The following INPP5B variants were observed in gnomAD, a reference collection of about 807,000 sequenced individuals.
INPP5B encodes the protein inositol polyphosphate-5-phosphatase B, also known as type II inositol 1,4,5-trisphosphate 5-phosphatase.
A neutral mutation model predicts 118.5 loss-of-function variants in INPP5B; 90 were observed. The observed-to-expected ratio is 0.76, with a 90% confidence interval of 0.64 to 0.90. The LOEUF (loss-of-function observed/expected upper bound fraction) is 0.90, where lower values mean the gene tolerates loss of function less well. Among genes scored for constraint, INPP5B ranks in the 40% least tolerant of loss-of-function variants. The pLI, the probability that INPP5B is intolerant of heterozygous loss-of-function variation, is 0.00. For synonymous variants in INPP5B, 385 were observed against 418.9 expected (o/e 0.92, Z 0.99); for missense variants, 984 against 1,125.6 (o/e 0.87, Z 1.80).
Position 37,938,170 on chromosome 1 carries a change from G to A in INPP5B, c.391+2518C>T, listed in dbSNP as rs577381276. ...GCCTGTACCAGCTACTCGGGAGGCT[G>A]AGGCAGGAGAATCACTTGAACCCAG... On this transcript the variant is annotated intron_variant, in intron 6 of 23. Transcript: ENST00000373024. Among the ~76,000 whole-genome samples the A allele has an allele frequency of 1.9e-3, 295 of 152,036 alleles. 2 individuals are homozygous for A. The highest frequency in any genetic ancestry group is 3.0e-3 in the Non-Finnish European group (201 of 67,970).
intron 7 of INPP5B, among the ~76,000 whole-genome samples, chr1:37,892,012 T>C (rs1643866734): frequency 6.6e-6 from 1 of 152,178 alleles, no homozygotes; most frequent in African/African-American, 2.4e-5. Flanking sequence ...CTAACTCCCT[T>C]TTCTTGGATA....
rs373296700 is a variant in INPP5B, at chr1:37,931,973, T to C, written c.472A>G (p.Thr158Ala). The C allele has an allele frequency of 1.9e-5, 31 of 1,613,692 alleles. No homozygotes were observed. The highest frequency in any genetic ancestry group is 1.2e-4 in the Admixed American group (7 of 59,970). ...AGGGCCGAGTTACAACCGCGCGGCGTTGGCATCTCCAGCTCCAGCTCTGCG... is the reference window on the plus strand; with the variant it reads ...AGGGCCGAGTTACAACCGCGCGGCGCTGGCATCTCCAGCTCCAGCTCTGCG... ...RCAELELEMPTPRGCNSALVT... is the reference protein window; with the variant it reads ...RCAELELEMPAPRGCNSALVT... The change falls in exon 7 of 24, where the codon ACG (threonine) becomes GCG (alanine). Residue 158 changes from threonine to alanine, a missense_variant. Transcript: ENST00000373024.
At chr1:37,921,760 A>T (rs1426438645) in intron 7 of INPP5B, among the ~76,000 whole-genome samples, 4 of 152,014 alleles carry the variant, frequency 2.6e-5, no homozygotes, top group Admixed American at 2.6e-4. Context: ...CTGTAATCCT[A>T]GCACTTTGGG....
intron 13 of INPP5B, among the ~76,000 whole-genome samples, chr1:37,884,857 A>G (rs141786076): frequency 0.014 from 2,167 of 152,186 alleles, 20 homozygotes; most frequent in Non-Finnish European, 0.021. Flanking sequence ...AGGCTGAGGC[A>G]GGAGAATCAT....
At chr1:37,924,308 A>G (rs1226204086) in intron 7 of INPP5B, among the ~76,000 whole-genome samples, 1 of 151,712 alleles carries the variant, frequency 6.6e-6, no homozygotes, top group Non-Finnish European at 1.5e-5. Flanking sequence ...AGCTGGGACT[A>G]CAGGCATGTG....
In INPP5B at chr1:37,862,268, G is replaced by A; in HGVS notation, c.*47C>T. On this transcript the variant is annotated 3_prime_UTR_variant, in exon 24 of 24. Transcript: ENST00000373024. ...AGGCATCTCTTGAGCTGAAACAGGT[G>A]GGGCTGGTAATTGGCAGCCTCAAGT... 8.2e-7 allele frequency: 1 copy of A among 1,226,894 alleles called. No individual in the cohort carries two copies. Among genetic ancestry groups the A allele is most frequent in the Non-Finnish European group, 1.2e-6 (1 of 828,692 alleles). The allele number at this position is 1,226,894 out of a possible 1,614,324, so 76.0% of individuals were successfully genotyped here.
intron 7 of INPP5B, among the ~76,000 whole-genome samples, chr1:37,919,322 C>T (rs1308518137): frequency 6.6e-6 from 1 of 152,122 alleles, no homozygotes; most frequent in Non-Finnish European, 1.5e-5. Flanking sequence ...AGTCACCAGC[C>T]TTTGCATCCC....
At chr1:37,869,869 G>A (rs2148457021) in intron 19 of INPP5B, 1 of 152,048 alleles carries the variant, frequency 6.6e-6, no homozygotes, top group South Asian at 2.1e-4. Context: ...TGAAGAAGAG[G>A]GAGTTCAAGA....
In INPP5B at chr1:37,874,121, T is replaced by G; in HGVS notation, c.1823A>C (p.Lys608Thr). Residue 608 changes from lysine (K) to threonine (T), a missense_variant, in exon 18 of 24, where the codon AAA (lysine) becomes ACA (threonine). By Grantham distance (78) the Lys-to-Thr change is moderately conservative. Transcript: ENST00000373024. ...CFQNVKYMQL[K>T]VESFTIHNGQ... is the part of the protein sequence containing the mutation. ...ATTATGAATTGTAAAGGATTCTACTTTCAATTGCATGTACTTCACATTCTG... is the reference window on the plus strand; with the variant it reads ...ATTATGAATTGTAAAGGATTCTACTGTCAATTGCATGTACTTCACATTCTG... The G allele has an allele frequency of 6.3e-7, 1 of 1,592,374 alleles. No homozygotes were observed. Among genetic ancestry groups the G allele is most frequent in the South Asian group, 1.1e-5 (1 of 89,110 alleles).
At chr1:37,900,192 G>A (rs1421865256) in intron 7 of INPP5B, among the ~76,000 whole-genome samples, 5 of 141,634 alleles carry the variant, frequency 3.5e-5, no homozygotes, top group Non-Finnish European at 6.1e-5. Flanking sequence ...AGCAATTCTC[G>A]TGCTTCAGCC....
chr1:37,862,998 C>T (rs1641788397), intron 23 of INPP5B, among the ~76,000 whole-genome samples: 1 of 152,212 alleles, frequency 6.6e-6, no homozygotes, highest in African/African-American at 2.4e-5. Flanking sequence ...TGGTTCCTGC[C>T]TCCTCCCCCA....
Position 37,862,391 on chromosome 1 carries a change from C to T in INPP5B, c.2666G>A (p.Gly889Asp). Residue 889 changes from glycine to aspartate, a missense_variant, in exon 24 of 24, where the codon GGT becomes GAT. Physicochemically the swap from Gly to Asp is moderately conservative, Grantham distance 94. Transcript: ENST00000373024. ...CTCTGTCATATCAAGCTTTTGGTGA[C>T]CAGCTGGGTTTCGAAGCAATAAGCT... Reference protein sequence around the residue: ...FGSLLLRNPAGHQKLDMTEKK... With the variant: ...FGSLLLRNPADHQKLDMTEKK... 1 of 1,613,888 alleles carries T rather than the reference C, an allele frequency of 6.2e-7. No homozygotes were observed. Among genetic ancestry groups the T allele is most frequent in the Non-Finnish European group, 8.5e-7 (1 of 1,179,820 alleles).
At chr1:37,934,765 A>C (rs1042609417) in intron 6 of INPP5B, among the ~76,000 whole-genome samples, 4 of 152,272 alleles carry the variant, frequency 2.6e-5, no homozygotes, top group African/African-American at 9.6e-5. Context: ...GGGGACTGCA[A>C]GACACACACC....
chr1:37,869,149 C>T (rs897129203), intron 19 of INPP5B, among the ~76,000 whole-genome samples: 11 of 151,748 alleles, frequency 7.2e-5, no homozygotes, highest in African/African-American at 1.7e-4. Context: ...TGTGCCATCA[C>T]GCCCGGCTAA....
intron 7 of INPP5B, chr1:37,931,307 C>T: frequency 1.4e-6 from 1 of 704,852 alleles, no homozygotes; most frequent in Non-Finnish European, 2.1e-6. Context: ...ACCACTCCCC[C>T]ACCCGCCCCA....
At chr1:37,887,135 C>T in intron 11 of INPP5B, 131 bp from the exon 12 acceptor site, 1 of 791,424 alleles carries the variant, frequency 1.3e-6, no homozygotes, top group Non-Finnish European at 2.1e-6. Context: ...AGGTAATCAT[C>T]TGTTCAATTC....
At chr1:37,877,739 C>T (rs1642930614) in intron 16 of INPP5B, among the ~76,000 whole-genome samples, 1 of 152,160 alleles carries the variant, frequency 6.6e-6, no homozygotes, top group East Asian at 1.9e-4. Context: ...TATGGCTCAT[C>T]CATACTATGG....
intron 5 of INPP5B, among the ~76,000 whole-genome samples, chr1:37,942,557 A>G (rs1338954423): frequency 2.6e-5 from 4 of 152,166 alleles, no homozygotes; most frequent in African/African-American, 9.7e-5. Flanking sequence ...AAGCAGACAG[A>G]CATTAAATAT....
intron 6 of INPP5B, among the ~76,000 whole-genome samples, chr1:37,936,737 T>A (rs1236895382): frequency 2.6e-5 from 4 of 151,358 alleles, no homozygotes; most frequent in African/African-American, 9.7e-5. Flanking sequence ...TTTTTTTTTT[T>A]TGAGAGACAG....
Sources: allele counts gnomAD v4.1 joint callset (sites outside exome capture counted in the v4.1 genomes callset), GRCh38; gene constraint gnomAD v4.1.1; transcripts MANE v1.5; gene names NCBI Gene and HGNC (gene_info 2026-07-23, HGNC 2026-07-21).